FGF12: variants seen among roughly 807,000 people sequenced by gnomAD.
FGF12 encodes the protein fibroblast growth factor 12B.
FGF12 carries 14 observed loss-of-function variants against 23.6 expected under a neutral mutation model. That is an observed-to-expected ratio of 0.59 (90% CI 0.39 to 0.93). The LOEUF (loss-of-function observed/expected upper bound fraction) is 0.93, where lower values mean the gene tolerates loss of function less well. Ranked by LOEUF, FGF12 falls within the 40% of genes least tolerant of loss-of-function variation. The pLI, the probability that FGF12 is intolerant of heterozygous loss-of-function variation, is 0.00. For missense variants in FGF12, 175 were observed against 217.8 expected (o/e 0.80, Z 1.24); for synonymous variants, 62 against 77.3 (o/e 0.80, Z 1.04).
chr3:192,710,512 G>C (rs2108738412), intron 2 of FGF12, among the ~76,000 whole-genome samples: 1 of 152,330 alleles, frequency 6.6e-6, no homozygotes, highest in Non-Finnish European at 1.5e-5. Flanking sequence ...ATCTGAGAAA[G>C]CTGAGGTCCT....
chr3:192,489,314 T>A (rs111765125), intron 2 of FGF12, among the ~76,000 whole-genome samples: 104 of 152,188 alleles, frequency 6.8e-4, no homozygotes, highest in African/African-American at 2.4e-3. Flanking sequence ...CCATTTTTTT[T>A]AATTCTCTAT....
chr3:192,340,528 CA>C (rs954520039), intron 3 of FGF12, among the ~76,000 whole-genome samples: 152 of 152,260 alleles, frequency 1.0e-3, no homozygotes, highest in African/African-American at 3.4e-3. Flanking sequence ...TTTAATCTGA[CA>C]TTCAAAGATC....
At chr3:192,527,071 G>A (rs1282753407) in intron 2 of FGF12, among the ~76,000 whole-genome samples, 1 of 152,132 alleles carries the variant, frequency 6.6e-6, no homozygotes, top group East Asian at 1.9e-4. Context: ...ATAAAATTTG[G>A]AGGTGGGGCC....
intron 4 of FGF12, among the ~76,000 whole-genome samples, chr3:192,201,365 G>A (rs1045542200): frequency 1.3e-5 from 2 of 152,178 alleles, no homozygotes; most frequent in Non-Finnish European, 2.9e-5. Context: ...GCAGGCAAGG[G>A]CAAAGCTTTA....
At chr3:192,718,999 A>G (rs78789298) in intron 2 of FGF12, among the ~76,000 whole-genome samples, 1 of 152,120 alleles carries the variant, frequency 6.6e-6, no homozygotes, top group Admixed American at 6.5e-5. Flanking sequence ...AAAAAAAAAA[A>G]AGAGAGAGAG....
intron 2 of FGF12, among the ~76,000 whole-genome samples, chr3:192,378,826 G>C (rs981330345): frequency 1.3e-5 from 2 of 151,980 alleles, no homozygotes; most frequent in Non-Finnish European, 2.9e-5. Flanking sequence ...TCATGGATTG[G>C]GGGGCTGTTG....
chr3:192,381,426 G>T (rs532328849), intron 2 of FGF12, among the ~76,000 whole-genome samples: 1 of 152,236 alleles, frequency 6.6e-6, no homozygotes, highest in East Asian at 1.9e-4. Flanking sequence ...CCCTGGTCTT[G>T]ATACCACGCC....
chr3:192,511,760 TA>T (rs1312172105), intron 2 of FGF12, among the ~76,000 whole-genome samples: 1 of 152,096 alleles, frequency 6.6e-6, no homozygotes, highest in Non-Finnish European at 1.5e-5. Flanking sequence ...AATTTAGCCT[TA>T]AACAATCCAC....
intron 2 of FGF12, among the ~76,000 whole-genome samples, chr3:192,422,749 G>A (rs1400570944): frequency 1.3e-5 from 2 of 152,172 alleles, no homozygotes; most frequent in African/African-American, 2.4e-5. Flanking sequence ...AGGTTATACA[G>A]CTGTCAAAGG....
At chr3:192,487,440 C>T (rs1401966250) in intron 2 of FGF12, among the ~76,000 whole-genome samples, 2 of 152,104 alleles carry the variant, frequency 1.3e-5, no homozygotes, top group African/African-American at 4.8e-5. Flanking sequence ...TATCTCATTG[C>T]TCATCCAAGC....
intron 2 of FGF12, among the ~76,000 whole-genome samples, chr3:192,377,191 A>ATCTCTCAGAAGG (rs1719555742): frequency 6.6e-6 from 1 of 152,148 alleles, no homozygotes; most frequent in Non-Finnish European, 1.5e-5. Context: ...CTAGATCACC[A>ATCTCTCAGAAGG]TCTCTCAGAA....
chr3:192,624,227 A>T (rs956362771), intron 2 of FGF12, among the ~76,000 whole-genome samples: 1 of 152,184 alleles, frequency 6.6e-6, no homozygotes, highest in African/African-American at 2.4e-5. Context: ...AAACTGAATG[A>T]AAAACTAATA....
chr3:192,340,778 C>T (rs1717653598), intron 3 of FGF12, among the ~76,000 whole-genome samples: 1 of 151,960 alleles, frequency 6.6e-6, no homozygotes, highest in African/African-American at 2.4e-5. Context: ...TGAAATTGGG[C>T]CCTTATGTTA....
chr3:192,636,549 T>C (rs1715591919), intron 2 of FGF12, among the ~76,000 whole-genome samples: 1 of 152,260 alleles, frequency 6.6e-6, no homozygotes, highest in Non-Finnish European at 1.5e-5. Context: ...TTTACTTCTT[T>C]TCTCCTTCAT....
intron 2 of FGF12, among the ~76,000 whole-genome samples, chr3:192,437,204 G>C (rs1211583738): frequency 6.6e-6 from 1 of 152,070 alleles, no homozygotes; most frequent in African/African-American, 2.4e-5. Context: ...GCCTGTGATA[G>C]GATTGCAGAC....
chr3:192,217,829 C>A (rs956599697), intron 4 of FGF12, among the ~76,000 whole-genome samples: 9 of 151,110 alleles, frequency 6.0e-5, no homozygotes, highest in African/African-American at 2.2e-4. Flanking sequence ...TTCTTTTTTT[C>A]TTTTCTTTTC....
chr3:192,465,545 G>A (rs1262628823), intron 2 of FGF12, among the ~76,000 whole-genome samples: 1 of 152,282 alleles, frequency 6.6e-6, no homozygotes, highest in East Asian at 1.9e-4. Flanking sequence ...GCTGGCGTCT[G>A]GAAACTTGGT....
At chr3:192,659,087 T>A (rs978305695) in intron 2 of FGF12, among the ~76,000 whole-genome samples, 11 of 152,176 alleles carry the variant, frequency 7.2e-5, no homozygotes, top group Non-Finnish European at 1.0e-4. Flanking sequence ...CAGCTGCTGA[T>A]GCTAGATTTC....
rs754310203 is a variant in FGF12, at chr3:192,322,464, AT to A, written c.228+12896del. ...ACATTCTTTACAGAAATAGAAAAAA[AT>A]AATCCTAAAATTTATAATTTATATT... On this transcript the variant is annotated intron_variant, in intron 4 of 5. Transcript: ENST00000445105. Among the ~76,000 whole-genome samples, 159 of 151,568 alleles carry A rather than the reference AT, an allele frequency of 1.0e-3. 1 individual carries two copies. Among genetic ancestry groups the A allele is most frequent in the Middle Eastern group, 3.4e-3 (1 of 294 alleles).
Sources: allele counts gnomAD v4.1 joint callset (sites outside exome capture counted in the v4.1 genomes callset), GRCh38; gene constraint gnomAD v4.1.1; transcripts MANE v1.5; gene names NCBI Gene and HGNC (gene_info 2026-07-23, HGNC 2026-07-21).